RALGPS1: variants seen among roughly 807,000 people sequenced by gnomAD.
RALGPS1 encodes Ral GEF with PH domain and SH3 binding motif 1.
Under a neutral mutation model 78.8 loss-of-function variants are expected in RALGPS1, and 19 were observed. The ratio of observed to expected loss-of-function variants is 0.24; its 90% CI spans 0.17 to 0.35. RALGPS1 has a LOEUF of 0.35. RALGPS1 is among the 10% of genes least tolerant of loss of function. RALGPS1 has a pLI of 1.00. For missense variants in RALGPS1, 454 were observed against 688.3 expected (o/e 0.66, Z 3.81); for synonymous variants, 228 against 256.3 (o/e 0.89, Z 1.06).
chr9:127,078,410 G>C (rs897887693), intron 8 of RALGPS1, among the ~76,000 whole-genome samples: 1 of 152,176 alleles, frequency 6.6e-6, no homozygotes, highest in African/African-American at 2.4e-5. Flanking sequence ...AACATAGCTT[G>C]ACTCATGACT....
intron 8 of RALGPS1, among the ~76,000 whole-genome samples, chr9:127,131,328 T>C (rs2056989835): frequency 6.6e-6 from 1 of 152,232 alleles, no homozygotes; most frequent in African/African-American, 2.4e-5. Context: ...TAACTGAGAC[T>C]CACTGCCTGG....
At position 127,212,569 on chromosome 9, in the gene RALGPS1, G is replaced by A. The variant is rs1255245197; in HGVS notation, c.1354-58G>A. The A allele has an allele frequency of 7.8e-7, 1 of 1,289,354 alleles. No homozygotes were observed. The highest frequency in any genetic ancestry group is 2.0e-5 in the Admixed American group (1 of 49,966). 79.9% of individuals were successfully genotyped at this position (1,289,354 alleles called of 1,614,324 possible). ...GGATGGCTGGGTCTGTAATCGGCCA[G>A]GGATCCTCTACCCCCACGACCCCTG... On this transcript the variant is annotated intron_variant, in intron 15 of 18. Coordinates refer to ENST00000259351, the MANE Select transcript of RALGPS1 (RefSeq NM_014636.3). The surrounding 1 kb of genome is among the most constrained non-coding windows in gnomAD (Gnocchi z 6.0).
chr9:127,037,460 T>TA (rs570540017), intron 5 of RALGPS1, among the ~76,000 whole-genome samples: 128 of 152,374 alleles, frequency 8.4e-4, no homozygotes, highest in African/African-American at 2.8e-3. Context: ...TTATAGTTGC[T>TA]AATGACTGAA....
chr9:127,182,835 A>G (rs2060366427), intron 11 of RALGPS1, among the ~76,000 whole-genome samples: 1 of 152,208 alleles, frequency 6.6e-6, no homozygotes. Flanking sequence ...TTTCTGTGTT[A>G]GGCCATTCTT....
At chr9:127,181,569 C>CAT (rs1293017774) in intron 11 of RALGPS1, among the ~76,000 whole-genome samples, 2 of 152,250 alleles carry the variant, frequency 1.3e-5, no homozygotes, top group Non-Finnish European at 2.9e-5. Context: ...TTTTGAGTCA[C>CAT]ACATTGTCCC....
intron 4 of RALGPS1, among the ~76,000 whole-genome samples, chr9:127,032,714 G>A (rs2046531606): frequency 6.6e-6 from 1 of 152,200 alleles, no homozygotes; most frequent in South Asian, 2.1e-4. Context: ...CATAGCCTGG[G>A]TGCAGTGGCT....
At position 127,219,182 on chromosome 9, in the gene RALGPS1, G is replaced by C. The variant is rs571786609; in HGVS notation, c.*413G>C. 8.0e-6 allele frequency: 2 copies of C among 248,802 alleles called. No homozygotes were observed. Among genetic ancestry groups the C allele is most frequent in the Non-Finnish European group, 1.6e-5 (2 of 125,688 alleles). The allele number at this position is 248,802 out of a possible 1,614,324, so 15.4% of individuals were successfully genotyped here. ...GGAACAGGCTTTTTACACCCCAAGT[G>C]CATGGGGTTGCTCGCCCACAGGGCT... On this transcript the variant is annotated 3_prime_UTR_variant, in exon 19 of 19. Coordinates refer to ENST00000259351, the MANE Select transcript of RALGPS1 (RefSeq NM_014636.3). This position sits in a 1 kb window ranked among gnomAD's most constrained non-coding sequence, Gnocchi z 5.0.
chr9:127,180,926 C>A (rs1415409442), intron 11 of RALGPS1, among the ~76,000 whole-genome samples: 1 of 152,262 alleles, frequency 6.6e-6, no homozygotes, highest in Admixed American at 6.5e-5. Context: ...ACCTGTGGCC[C>A]CCCACTGTGG....
chr9:127,091,721 G>T lies in RALGPS1; in HGVS notation c.610+22365G>T. The T allele has an allele frequency of 6.2e-7, 1 of 1,614,056 alleles. No individual in the cohort carries two copies. The highest frequency in any genetic ancestry group is 8.5e-7 in the Non-Finnish European group (1 of 1,180,026). On this transcript the variant is annotated intron_variant, in intron 8 of 18. Coordinates refer to ENST00000259351, the MANE Select transcript of RALGPS1 (RefSeq NM_014636.3). The surrounding 1 kb of genome is among the most constrained non-coding windows in gnomAD (Gnocchi z 4.3). ...AGGGTGGTGAACTGCTTGCCGTTGT[G>T]CCATGTAAAGGAGTCACCCGCATTG...
At chr9:127,195,042 C>T (rs1157675672) in intron 11 of RALGPS1, 49 bp from the exon 12 acceptor site, 7 of 1,602,520 alleles carry the variant, frequency 4.4e-6, no homozygotes, top group Admixed American at 1.7e-5. Flanking sequence ...TGCAGCCCCT[C>T]ACCCTCCCAT....
intron 8 of RALGPS1, among the ~76,000 whole-genome samples, chr9:127,092,493 A>G (rs377675922): frequency 1.3e-5 from 2 of 152,070 alleles, no homozygotes; most frequent in African/African-American, 4.8e-5. Context: ...CAGCTGAGTT[A>G]CGGCCACTAA....
chr9:127,156,444 T>C (rs2058713628), intron 8 of RALGPS1, among the ~76,000 whole-genome samples: 1 of 152,196 alleles, frequency 6.6e-6, no homozygotes, highest in Admixed American at 6.5e-5. Flanking sequence ...CAACACTAAA[T>C]ATTATCGATT....
chr9:126,962,447 G>T, intron 2 of RALGPS1, 101 bp downstream of exon 2: 1 of 1,195,944 alleles, frequency 8.4e-7, no homozygotes, highest in Non-Finnish European at 1.2e-6. Flanking sequence ...AGGGCTCTGT[G>T]AATACCACCA....
Position 127,091,716 on chromosome 9 carries a change from G to A in RALGPS1, c.610+22360G>A, listed in dbSNP as rs759995472. 1.2e-5 allele frequency: 20 copies of A among 1,613,878 alleles called. No homozygotes were observed. Among genetic ancestry groups the A allele is most frequent in the Middle Eastern group, 1.7e-4 (1 of 6,018 alleles). On this transcript the variant is annotated intron_variant, in intron 8 of 18. Coordinates refer to ENST00000259351, the MANE Select transcript of RALGPS1 (RefSeq NM_014636.3). The surrounding 1 kb of genome is among the most constrained non-coding windows in gnomAD (Gnocchi z 4.3). ...TGTCCAGGGTGGTGAACTGCTTGCCGTTGTGCCATGTAAAGGAGTCACCCG... is the reference window on the plus strand; with the variant it reads ...TGTCCAGGGTGGTGAACTGCTTGCCATTGTGCCATGTAAAGGAGTCACCCG...
At chr9:127,113,635 A>T (rs577822344) in intron 8 of RALGPS1, among the ~76,000 whole-genome samples, 8 of 152,332 alleles carry the variant, frequency 5.3e-5, no homozygotes, top group African/African-American at 1.9e-4. Flanking sequence ...TGGCTTCAGA[A>T]TTAAAATAAA....
intron 1 of RALGPS1, among the ~76,000 whole-genome samples, chr9:126,936,557 G>A (rs567680740): frequency 6.6e-6 from 1 of 152,128 alleles, no homozygotes; most frequent in African/African-American, 2.4e-5. Context: ...AAAGGAAAGA[G>A]AATTAGGCTG....
intron 3 of RALGPS1, among the ~76,000 whole-genome samples, chr9:126,968,887 A>G (rs576386723): frequency 5.3e-5 from 8 of 152,286 alleles, no homozygotes; most frequent in South Asian, 2.1e-4. Context: ...GGTCTCTACT[A>G]AAAATACAAA....
chr9:126,991,503 T>C (rs1178047012), intron 4 of RALGPS1, among the ~76,000 whole-genome samples: 1 of 152,206 alleles, frequency 6.6e-6, no homozygotes, highest in Non-Finnish European at 1.5e-5. Flanking sequence ...TTTTCATCCA[T>C]AGGGACTTGG....
intron 8 of RALGPS1, chr9:127,092,020 C>T: frequency 6.5e-7 from 1 of 1,544,296 alleles, no homozygotes. Flanking sequence ...ACACTCAGCC[C>T]TGGATAGAGG....
Sources: allele counts gnomAD v4.1 joint callset (sites outside exome capture counted in the v4.1 genomes callset), GRCh38; gene constraint gnomAD v4.1.1; non-coding constraint Gnocchi (gnomAD v3.1); transcripts MANE v1.5; gene names NCBI Gene and HGNC (gene_info 2026-07-23, HGNC 2026-07-21).